The following RGS7 variants were observed in gnomAD, a reference collection of about 807,000 sequenced individuals.
The protein encoded by RGS7 is regulator of G-protein signaling 7.
A neutral mutation model predicts 81.1 loss-of-function variants in RGS7; 27 were observed. The ratio of observed to expected loss-of-function variants is 0.33; its 90% CI spans 0.25 to 0.46. The LOEUF is 0.46. RGS7 is among the 20% of genes least tolerant of loss of function. The pLI is 1.00. For synonymous variants in RGS7, 208 were observed against 207.7 expected (o/e 1.00, Z -0.01); for missense variants, 396 against 607.4 (o/e 0.65, Z 3.66).
At chr1:241,130,317 T>G (rs2066983615) in intron 2 of RGS7, among the ~76,000 whole-genome samples, 1 of 151,726 alleles carries the variant, frequency 6.6e-6, no homozygotes, top group Non-Finnish European at 1.5e-5. Flanking sequence ...GAGAGTCAAT[T>G]ACCTATTTTA....
intron 4 of RGS7, among the ~76,000 whole-genome samples, chr1:240,945,444 G>T (rs553170257): frequency 1.3e-5 from 2 of 152,312 alleles, no homozygotes; most frequent in Non-Finnish European, 2.9e-5. Flanking sequence ...CATGTCTTGG[G>T]ATTAGCCAAT....
At chr1:241,082,150 A>C (rs796781719) in intron 3 of RGS7, among the ~76,000 whole-genome samples, 45 of 152,360 alleles carry the variant, frequency 3.0e-4, no homozygotes, top group African/African-American at 1.1e-3. Context: ...TTGCACAGAA[A>C]TATCTCAAAG....
At chr1:241,187,552 C>G (rs769992510) in intron 2 of RGS7, among the ~76,000 whole-genome samples, 2 of 152,072 alleles carry the variant, frequency 1.3e-5, no homozygotes, top group Non-Finnish European at 2.9e-5. Flanking sequence ...ATTGCAGTCT[C>G]GTTTCAGTCT....
In RGS7 at chr1:241,119,123, TATTA is replaced by T. The variant is rs1225648066; in HGVS notation, c.79-20365_79-20362del. Among the ~76,000 whole-genome samples, 7 of 152,288 alleles carry T rather than the reference TATTA, an allele frequency of 4.6e-5. No homozygotes were observed. In the East Asian group the frequency reaches 1.2e-3, roughly 25 times the overall value. On this transcript the variant is annotated intron_variant, in intron 2 of 18. Transcript: ENST00000440928. The stretch of plus-strand genomic sequence containing the variant: ...AATTAAAATAATCAGTAAAAATATA[TATTA>T]ATTACTTCATTAAAATGATAATAAT...
chr1:240,853,786 A>G (rs1020568252), intron 9 of RGS7, among the ~76,000 whole-genome samples: 2 of 150,874 alleles, frequency 1.3e-5, no homozygotes, highest in African/African-American at 4.9e-5. Context: ...CTGTAGTCCC[A>G]GCTACTCAGG....
chr1:240,868,868 C>T lies in RGS7; in HGVS notation c.451-16G>A. 3 of 1,612,708 alleles carry T rather than the reference C, an allele frequency of 1.9e-6. No homozygotes were observed. The highest frequency in any genetic ancestry group is 2.5e-6 in the Non-Finnish European group (3 of 1,178,826). ...CCAGGCTCTCCTGAAAAACATACCC[C>T]AGGTGAAGACATTTGGTGTTCATTG... On this transcript the variant is annotated splice_polypyrimidine_tract_variant and intron_variant, in intron 7 of 18. Coordinates refer to ENST00000440928, the MANE Select transcript of RGS7 (RefSeq NM_001364886.1). This position sits in a 1 kb window ranked among gnomAD's most constrained non-coding sequence, Gnocchi z 5.1.
chr1:241,054,755 A>G (rs759201626), intron 3 of RGS7, among the ~76,000 whole-genome samples: 1 of 152,206 alleles, frequency 6.6e-6, no homozygotes, highest in Non-Finnish European at 1.5e-5. Flanking sequence ...TTTCTTGCCC[A>G]TATCTGATTT....
chr1:241,070,224 A>C (rs2062352121), intron 3 of RGS7, among the ~76,000 whole-genome samples: 1 of 152,150 alleles, frequency 6.6e-6, no homozygotes, highest in Admixed American at 6.5e-5. Flanking sequence ...TTTTCGTGAA[A>C]GATAAATTGA....
chr1:241,202,125 G>T (rs1050763529), intron 2 of RGS7, among the ~76,000 whole-genome samples: 2 of 151,316 alleles, frequency 1.3e-5, no homozygotes, highest in South Asian at 2.1e-4. Flanking sequence ...AAATTATCAA[G>T]GTTCTTACAT....
In RGS7 at chr1:240,823,712, C is replaced by T. The variant is rs1181993853; in HGVS notation, c.684+3386G>A. The stretch of plus-strand genomic sequence containing the variant: ...TTTGAACTGCCACTCTTCCCTAGGT[C>T]TCCAGCCTGGTGGCCTCCCCCATGA... On this transcript the variant is annotated intron_variant, in intron 10 of 18. Coordinates refer to ENST00000440928, the MANE Select transcript of RGS7 (RefSeq NM_001364886.1). Among the ~76,000 whole-genome samples, 9 of 152,302 alleles carry T rather than the reference C, an allele frequency of 5.9e-5. No homozygotes were observed. The South Asian group carries it at 1.2e-3, about 21-fold the overall frequency.
Position 240,814,701 on chromosome 1 carries a change from C to A in RGS7, c.845+15G>T. ...TGAAATTTTAAAATTTATACAGACA[C>A]TTTGAAATACTCACCTGTCAGCGAC... On this transcript the variant is annotated intron_variant, in intron 12 of 18. Coordinates refer to ENST00000440928, the MANE Select transcript of RGS7 (RefSeq NM_001364886.1). 1 of 1,517,022 alleles carries A rather than the reference C, an allele frequency of 6.6e-7. No individual in the cohort carries two copies. The allele number at this position is 1,517,022 out of a possible 1,614,324, so 94.0% of individuals were successfully genotyped here. A position where few individuals can be genotyped will look rare whatever the true frequency, so the allele number is the denominator to read the frequency against.
At chr1:240,966,167 TA>T (rs978078165) in intron 4 of RGS7, among the ~76,000 whole-genome samples, 7 of 150,570 alleles carry the variant, frequency 4.6e-5, no homozygotes, top group South Asian at 2.1e-4. Context: ...CTAAACTATA[TA>T]AAAAAAAAGT....
chr1:241,127,335 G>A (rs1286702476), intron 2 of RGS7, among the ~76,000 whole-genome samples: 5 of 152,098 alleles, frequency 3.3e-5, no homozygotes, highest in Admixed American at 3.3e-4. Context: ...ACATTTTAAG[G>A]ATTGAAGTCA....
At chr1:241,249,866 T>C (rs1218027653) in intron 2 of RGS7, among the ~76,000 whole-genome samples, 2 of 152,124 alleles carry the variant, frequency 1.3e-5, no homozygotes, top group East Asian at 1.9e-4. Flanking sequence ...GGCATATTTA[T>C]ACAGAAAAAA....
intron 3 of RGS7, among the ~76,000 whole-genome samples, chr1:241,054,511 T>C (rs2061392620): frequency 6.6e-6 from 1 of 152,220 alleles, no homozygotes; most frequent in Non-Finnish European, 1.5e-5. Context: ...GTTAATGTCA[T>C]GGATACTAAT....
At chr1:240,967,568 T>TCG (rs1331645254) in intron 4 of RGS7, among the ~76,000 whole-genome samples, 1 of 54,000 alleles carries the variant, frequency 1.9e-5, no homozygotes, top group African/African-American at 7.0e-5. Flanking sequence ...TGCCAAGAAG[T>TCG]GGGGGGGGGG....
At chr1:241,196,741 A>G (rs1052324975) in intron 2 of RGS7, among the ~76,000 whole-genome samples, 1 of 152,118 alleles carries the variant, frequency 6.6e-6, no homozygotes, top group Non-Finnish European at 1.5e-5. Flanking sequence ...ATTCTTAAGT[A>G]TTTAGAAAAT....
At chr1:241,068,257 T>TATATATATATATATATATATAGAA (rs1433690559) in intron 3 of RGS7, among the ~76,000 whole-genome samples, 1 of 73,268 alleles carries the variant, frequency 1.4e-5, no homozygotes, top group Non-Finnish European at 2.7e-5. Context: ...TATATATATA[T>TATATATATATATATATATATAGAA]AAAATATTGT....
chr1:241,174,041 C>T (rs2070927112), intron 2 of RGS7, among the ~76,000 whole-genome samples: 1 of 152,162 alleles, frequency 6.6e-6, no homozygotes, highest in African/African-American at 2.4e-5. Context: ...GTCAAAGATG[C>T]AAATCATTCC....
Sources: allele counts gnomAD v4.1 joint callset (sites outside exome capture counted in the v4.1 genomes callset), GRCh38; gene constraint gnomAD v4.1.1; non-coding constraint Gnocchi (gnomAD v3.1); transcripts MANE v1.5; gene names NCBI Gene and HGNC (gene_info 2026-07-23, HGNC 2026-07-21).